Variants in POTEJ observed in about 807,000 individuals in gnomAD.
POTEJ encodes the protein POTE ankyrin domain family member J.
POTEJ carries 11 observed loss-of-function variants against 69.0 expected under a neutral mutation model. The ratio of observed to expected loss-of-function variants is 0.16; its 90% CI spans 0.10 to 0.26. The LOEUF is 0.26. Among genes scored for constraint, POTEJ ranks in the 10% least tolerant of loss-of-function variants. The probability of loss-of-function intolerance (pLI) is 1.00; values close to 1 mark genes in which losing one functional copy is unlikely to be tolerated. For missense variants in POTEJ, 327 were observed against 1,045.5 expected (o/e 0.31, Z 9.48); for synonymous variants, 117 against 381.1 (o/e 0.31, Z 8.07).
chr2:130,624,817 C>T (rs560737295), intron 6 of POTEJ, among the ~76,000 whole-genome samples: 3 of 152,100 alleles, frequency 2.0e-5, no homozygotes, highest in African/African-American at 7.3e-5. Context: ...TGACTTCATT[C>T]CTCCTCATTT....
upstream of POTEJ, chr2:130,611,398 G>T (rs1685202699): frequency 3.8e-6 from 2 of 529,548 alleles, no homozygotes; most frequent in Non-Finnish European, 6.5e-6. Context: ...ACCTGCTGGG[G>T]TTGGCAGGTT....
At chr2:130,639,352 G>T (rs1686247235) in intron 10 of POTEJ, among the ~76,000 whole-genome samples, 2 of 152,424 alleles carry the variant, frequency 1.3e-5, no homozygotes, top group Non-Finnish European at 1.5e-5. Flanking sequence ...TGCCAACAAG[G>T]TCTCACTATT....
At chr2:130,640,486 GT>G (rs1300511818) in intron 10 of POTEJ, among the ~76,000 whole-genome samples, 2 of 151,566 alleles carry the variant, frequency 1.3e-5, no homozygotes, top group Non-Finnish European at 2.9e-5. Flanking sequence ...AACCAGAGTT[GT>G]TTTTTTATTC....
chr2:130,650,399 A>G (rs1328880907), intron 13 of POTEJ, among the ~76,000 whole-genome samples: 1 of 152,240 alleles, frequency 6.6e-6, no homozygotes, highest in African/African-American at 2.4e-5. Context: ...GTCTGTTGTT[A>G]TTGTGTGTTT....
At chr2:130,649,384 T>A (rs1269049088) in intron 13 of POTEJ, among the ~76,000 whole-genome samples, 1 of 152,256 alleles carries the variant, frequency 6.6e-6, no homozygotes, top group Admixed American at 6.5e-5. Context: ...TCCTGACACT[T>A]CACATCTAAT....
chr2:130,614,560 T>G (rs1168368271), intron 1 of POTEJ, among the ~76,000 whole-genome samples: 1 of 148,684 alleles, frequency 6.7e-6, no homozygotes, highest in Non-Finnish European at 1.5e-5. Flanking sequence ...AAAATCAGTT[T>G]GTTACACATA....
intron 6 of POTEJ, among the ~76,000 whole-genome samples, chr2:130,624,630 T>C (rs1249392641): frequency 6.6e-6 from 1 of 151,964 alleles, no homozygotes; most frequent in East Asian, 1.9e-4. Flanking sequence ...TCCTGTGTGG[T>C]GTGGTTCATA....
chr2:130,641,736 T>C (rs1469419353), intron 10 of POTEJ, among the ~76,000 whole-genome samples: 1 of 151,972 alleles, frequency 6.6e-6, no homozygotes, highest in African/African-American at 2.4e-5. Context: ...TTTAATGGAA[T>C]ATTCGTGTAG....
At chr2:130,612,449 T>A (rs1409489373) in intron 1 of POTEJ, among the ~76,000 whole-genome samples, 2 of 152,076 alleles carry the variant, frequency 1.3e-5, no homozygotes, top group African/African-American at 2.4e-5. Context: ...TGTGCTTGAA[T>A]AGGAAGATTG....
intron 9 of POTEJ, among the ~76,000 whole-genome samples, chr2:130,636,434 C>T (rs1174242510): frequency 1.4e-5 from 2 of 144,444 alleles, no homozygotes; most frequent in African/African-American, 2.6e-5. Flanking sequence ...CTTATGTCAT[C>T]GTTTCTTAGA....
chr2:130,631,125 T>G (rs1309986753), intron 7 of POTEJ, among the ~76,000 whole-genome samples: 1 of 147,048 alleles, frequency 6.8e-6, no homozygotes, highest in African/African-American at 2.7e-5. Flanking sequence ...AAGTTAAGTT[T>G]GCTGGTTCAC....
At chr2:130,655,204 C>G (rs1686940250) in intron 14 of POTEJ, among the ~76,000 whole-genome samples, 163 bp downstream of exon 14, 1 of 151,694 alleles carries the variant, frequency 6.6e-6, no homozygotes, top group Non-Finnish European at 1.5e-5. Context: ...AAGCCATGTT[C>G]TTAATTCACC....
chr2:130,637,614 A>G (rs1221652858), intron 9 of POTEJ, among the ~76,000 whole-genome samples: 63 of 152,378 alleles, frequency 4.1e-4, no homozygotes, highest in African/African-American at 1.4e-3. Flanking sequence ...ATAGTCATGT[A>G]AGGTGGTCTG....
Position 130,657,975 on chromosome 2 carries a change from T to C in POTEJ, c.*98T>C. The stretch of plus-strand genomic sequence containing the variant: ...GCATGGCTTTATTTGTTTTCTTGTT[T>C]CATTTTTTGTTTTGTTTTTTATTGG... On this transcript the variant is annotated 3_prime_UTR_variant, in exon 15 of 15. Transcript: ENST00000409602. 1 of 459,388 alleles carries C rather than the reference T, an allele frequency of 2.2e-6. No homozygotes were observed. Among genetic ancestry groups the C allele is most frequent in the Non-Finnish European group, 3.8e-6 (1 of 261,882 alleles). The allele number at this position is 459,388 out of a possible 1,614,324, so 28.5% of individuals were successfully genotyped here.
intron 10 of POTEJ, among the ~76,000 whole-genome samples, chr2:130,642,747 A>AT (rs1245804804): frequency 1.3e-5 from 2 of 152,394 alleles, no homozygotes; most frequent in South Asian, 4.1e-4. Context: ...TGTCTCTGGC[A>AT]TTACTGAGCT....
intron 10 of POTEJ, among the ~76,000 whole-genome samples, chr2:130,639,204 C>T (rs866088055): frequency 0.014 from 1,975 of 145,668 alleles, no homozygotes; most frequent in African/African-American, 0.053. Flanking sequence ...CCTAACAGAC[C>T]GTGGACTGGT....
intron 1 of POTEJ, among the ~76,000 whole-genome samples, chr2:130,614,295 G>A (rs1685348947): frequency 6.6e-6 from 1 of 151,978 alleles, no homozygotes; most frequent in East Asian, 1.9e-4. Flanking sequence ...ACACTTTAGT[G>A]GTAAGAACTA....
chr2:130,641,107 G>A (rs1468973597), intron 10 of POTEJ, among the ~76,000 whole-genome samples: 1 of 152,076 alleles, frequency 6.6e-6, no homozygotes. Context: ...ATGATTATAT[G>A]TAAGCAAACA....
At chr2:130,631,242 AATT>A (rs1484127141) in intron 7 of POTEJ, among the ~76,000 whole-genome samples, 164 bp from the exon 8 acceptor site, 2 of 140,572 alleles carry the variant, frequency 1.4e-5, no homozygotes, top group Admixed American at 7.0e-5. Flanking sequence ...TCTTAATTTT[AATT>A]ATTATTTATT....
Sources: gnomAD v4.1 joint callset for allele counts (sites outside exome capture counted in the v4.1 genomes callset) on GRCh38, gnomAD v4.1.1 for gene constraint, MANE v1.5 for transcripts, NCBI Gene and HGNC (gene_info 2026-07-23, HGNC 2026-07-21) for gene names.